Variants in ANKFY1 observed in about 807,000 individuals in gnomAD.
ANKFY1 encodes ankyrin repeat and FYVE domain-containing protein 1.
In ANKFY1, 47 loss-of-function variants were observed where a neutral mutation model predicts 128.3. The ratio of observed to expected loss-of-function variants is 0.37; its 90% CI spans 0.29 to 0.47. The LOEUF (loss-of-function observed/expected upper bound fraction) is 0.47. Ranked by LOEUF, ANKFY1 falls within the 20% of genes least tolerant of loss-of-function variation. The probability of loss-of-function intolerance (pLI) is 1.00; values close to 1 mark genes in which losing one functional copy is unlikely to be tolerated. For missense variants in ANKFY1, 1,222 were observed against 1,510.6 expected, an observed-to-expected ratio of 0.81 and a Z score of 3.17; for synonymous variants, 553 against 601.6, an observed-to-expected ratio of 0.92 and a Z score of 1.18.
rs538389300 is a variant in ANKFY1 at position 4,178,311 on chromosome 17, G to T, written c.2598+546C>A. On this transcript the variant is annotated intron_variant, in intron 18 of 24. Transcript: ENST00000341657. This position sits in a 1 kb window ranked among gnomAD's most constrained non-coding sequence, Gnocchi z 4.1. The stretch of plus-strand genomic sequence containing the variant: ...CTCTAGGTGCTGGCTGGAGAGCCAA[G>T]TTCCTGCAGGACTGACCTGATAAAC... 1 of 158,096 alleles carries T rather than the reference G, an allele frequency of 6.3e-6. No homozygotes were observed. The highest frequency in any genetic ancestry group is 1.4e-5 in the Non-Finnish European group (1 of 71,106). 9.8% of individuals were successfully genotyped at this position (158,096 alleles called of 1,614,324 possible).
chr17:4,218,570 A>G (rs2060257986), intron 3 of ANKFY1, among the ~76,000 whole-genome samples: 1 of 152,248 alleles, frequency 6.6e-6, no homozygotes, highest in East Asian at 1.9e-4. Context: ...AACATGGTGA[A>G]ACCCTCTGTC....
intron 11 of ANKFY1, chr17:4,187,518 C>T: frequency 2.7e-6 from 1 of 369,464 alleles, no homozygotes; most frequent in Non-Finnish European, 4.8e-6. Flanking sequence ...GCCAGTGTTC[C>T]AGGCCCTTCT....
intron 11 of ANKFY1, chr17:4,188,097 A>T (rs2059645042): frequency 6.6e-6 from 1 of 152,390 alleles, no homozygotes; most frequent in Non-Finnish European, 1.5e-5. Context: ...AGGCATGGAG[A>T]AGGTGAGAGG....
At chr17:4,208,950 T>C (rs2060075280) in intron 5 of ANKFY1, among the ~76,000 whole-genome samples, 1 of 151,794 alleles carries the variant, frequency 6.6e-6, no homozygotes, top group Non-Finnish European at 1.5e-5. Context: ...TCCCAGCTAC[T>C]CAGGAGGCCA....
intron 4 of ANKFY1, among the ~76,000 whole-genome samples, chr17:4,216,205 C>T (rs2060218538): frequency 2.0e-5 from 3 of 152,188 alleles, no homozygotes; most frequent in Non-Finnish European, 4.4e-5. Flanking sequence ...AGGGAAAACA[C>T]AGCAATAGGT....
intron 14 of ANKFY1, 124 bp from the exon 15 acceptor site, chr17:4,182,473 A>G (rs1598025658): frequency 2.8e-6 from 2 of 714,398 alleles, no homozygotes; most frequent in South Asian, 4.5e-5. Context: ...CAATCATTCA[A>G]TATTTTCTCA....
chr17:4,181,487 A>G lies in ANKFY1; in HGVS notation c.2122-115T>C. ...TCCACTTTCAGATAAGATACGGTTG[A>G]TAATAAATTGATAATTACTTTAATC... On this transcript the variant is annotated intron_variant, in intron 15 of 24. Transcript: ENST00000341657. The surrounding 1 kb of genome is among the most constrained non-coding windows in gnomAD (Gnocchi z 4.9). 1.4e-6 allele frequency: 1 copy of G among 708,942 alleles called. No homozygotes were observed. Among genetic ancestry groups the G allele is most frequent in the Non-Finnish European group, 2.5e-6 (1 of 402,676 alleles). The allele number at this position is 708,942 out of a possible 1,614,324, so 43.9% of individuals were successfully genotyped here. A position where few individuals can be genotyped will look rare whatever the true frequency, so the allele number is the denominator to read the frequency against.
chr17:4,205,423 TC>T (rs1020424113), intron 7 of ANKFY1, among the ~76,000 whole-genome samples: 1 of 152,184 alleles, frequency 6.6e-6, no homozygotes, highest in Non-Finnish European at 1.5e-5. Context: ...ATTTTTTTTT[TC>T]CTTTGACAAG....
At chr17:4,179,325 T>A (rs2059466599) in intron 17 of ANKFY1, 1 of 555,608 alleles carries the variant, frequency 1.8e-6, no homozygotes, top group Admixed American at 3.1e-5. Context: ...AAGCCACCAC[T>A]CCTTATCTGG....
rs550229212 is a variant in ANKFY1 at position 4,208,781 on chromosome 17, G to A, written c.583-699C>T. Among the ~76,000 whole-genome samples, 7 of 152,290 alleles carry A rather than the reference G, an allele frequency of 4.6e-5. 1 individual carries two copies. The South Asian group carries it at 1.2e-3, about 27-fold the overall frequency. On this transcript the variant is annotated intron_variant, in intron 5 of 24. Coordinates refer to ENST00000341657, the MANE Select transcript of ANKFY1 (RefSeq NM_001330063.2). ...AACAAAATGTAAACACTGGCCGGGC[G>A]CAGTGGCTCACGCCTGTACTCCCAG...
At chr17:4,194,642 T>C (rs573616604) in intron 10 of ANKFY1, 20 of 314,752 alleles carry the variant, frequency 6.4e-5, no homozygotes, top group Admixed American at 6.2e-4. Context: ...TAGTCTAATA[T>C]GGTAAATACT....
In ANKFY1 at chr17:4,242,409, C is replaced by T. The variant is rs1445470020; in HGVS notation, c.50G>A (p.Arg17Gln). Residue 17 changes from arginine to glutamine, a missense_variant, in exon 2 of 25, where the codon CGG becomes CAG. Arg to Gln is a conservative substitution (Grantham distance 43). Coordinates refer to ENST00000341657, the MANE Select transcript of ANKFY1 (RefSeq NM_001330063.2). ...AKLEKHLMLL[R>Q]QEYVKLQKKL... ...CTTCTGCAGCTTGACATACTCCTGC[C>T]GCAGAAGCATCAAGTGCTTCTCCAA... is the stretch of plus-strand genomic sequence containing the variant. The T allele has an allele frequency of 1.9e-6, 3 of 1,581,388 alleles. No individual in the cohort carries two copies. The highest frequency in any genetic ancestry group is 1.7e-4 in the Middle Eastern group (1 of 5,960).
chr17:4,209,961 T>C lies in ANKFY1; in HGVS notation c.459-14A>G. ...CCCTTCTCACATCTGTAAGAGAGTA[T>C]TCATCATGAGGAGTATTACTGGACA... is the stretch of plus-strand genomic sequence containing the variant. On this transcript the variant is annotated splice_polypyrimidine_tract_variant and intron_variant, in intron 4 of 24. Coordinates refer to ENST00000341657, the MANE Select transcript of ANKFY1 (RefSeq NM_001330063.2). 1 of 1,604,400 alleles carries C rather than the reference T, an allele frequency of 6.2e-7. No individual in the cohort carries two copies. Among genetic ancestry groups the C allele is most frequent in the Middle Eastern group, 1.7e-4 (1 of 6,034 alleles).
chr17:4,201,479 ATT>A (rs59058325), intron 7 of ANKFY1, among the ~76,000 whole-genome samples: 2 of 135,708 alleles, frequency 1.5e-5, no homozygotes, highest in African/African-American at 5.4e-5. Flanking sequence ...CCTGTGTCTG[ATT>A]TTTTTTTTTT....
chr17:4,193,678 G>A (rs904438959), intron 10 of ANKFY1, among the ~76,000 whole-genome samples: 19 of 151,664 alleles, frequency 1.3e-4, no homozygotes, highest in South Asian at 4.2e-4. Context: ...TGCCTGCCTC[G>A]GCCTCCCAAA....
At chr17:4,222,694 C>G in intron 3 of ANKFY1, 1 of 861,884 alleles carries the variant, frequency 1.2e-6, no homozygotes, top group Non-Finnish European at 2.0e-6. Flanking sequence ...GCTCCAACCA[C>G]TTCTACGCGT....
In ANKFY1 at chr17:4,169,885, C is replaced by G. The variant is rs1458140361; in HGVS notation, c.3287-597G>C. Among the ~76,000 whole-genome samples, 2 of 152,208 alleles carry G rather than the reference C, an allele frequency of 1.3e-5. No homozygotes were observed. Among genetic ancestry groups the G allele is most frequent in the African/African-American group, 2.4e-5 (1 of 41,446 alleles). On this transcript the variant is annotated intron_variant, in intron 23 of 24. Coordinates refer to ENST00000341657, the MANE Select transcript of ANKFY1 (RefSeq NM_001330063.2). This position sits in a 1 kb window ranked among gnomAD's most constrained non-coding sequence, Gnocchi z 5.0. ...TGGATTTACTGGCTGAACTCTCACT[C>G]TATCCCAGGCACTGTCTGACTGCTC...
Position 4,263,945 on chromosome 17 carries a change from TG to T in ANKFY1, c.-5del. 6.2e-7 allele frequency: 1 copy of T among 1,613,982 alleles called. No homozygotes were observed. Among genetic ancestry groups the T allele is most frequent in the Non-Finnish European group, 8.5e-7 (1 of 1,179,948 alleles). ...AAAAAACCCTACCTTCCGCCATGTC[TG>T]GCCCGGCACTGCCTGCAACCTCGCG... On this transcript the variant is annotated 5_prime_UTR_variant, in exon 1 of 25. Transcript: ENST00000341657.
intron 1 of ANKFY1, among the ~76,000 whole-genome samples, chr17:4,248,413 C>T (rs922309813): frequency 6.6e-6 from 1 of 152,240 alleles, no homozygotes; most frequent in East Asian, 1.9e-4. Flanking sequence ...CCTGAAACTA[C>T]TCCCTTCCCT....
Sources: allele counts gnomAD v4.1 joint callset (sites outside exome capture counted in the v4.1 genomes callset), GRCh38; gene constraint gnomAD v4.1.1; non-coding constraint Gnocchi (gnomAD v3.1); transcripts MANE v1.5; gene names NCBI Gene and HGNC (gene_info 2026-07-23, HGNC 2026-07-21).